CERS3: variants seen among roughly 807,000 people sequenced by gnomAD.
CERS3 encodes LAG1 homolog, ceramide synthase 3.
In CERS3, 33 loss-of-function variants were observed where a neutral mutation model predicts 50.3. The observed-to-expected ratio is 0.66, with a 90% CI of 0.50 to 0.88. CERS3 has a LOEUF of 0.88. Among genes scored for constraint, CERS3 ranks in the 40% least tolerant of loss-of-function variants. The pLI is 0.00. For synonymous variants in CERS3, 176 were observed against 155.2 expected (o/e 1.13, Z -0.99); for missense variants, 470 against 460.3 (o/e 1.02, Z -0.19).
chr15:100,435,678 G>C lies in CERS3; in HGVS notation c.999+20215C>G, dbSNP rs190723137. Reference sequence around the variant, plus strand: ...CAGCAAAAGAAACTAGCATCAGAGTGAACAGGCCACCTATAGAATGGGAGA... The same window carrying C: ...CAGCAAAAGAAACTAGCATCAGAGTCAACAGGCCACCTATAGAATGGGAGA... On this transcript the variant is annotated intron_variant, in intron 11 of 11. Coordinates refer to ENST00000679737, the MANE Select transcript of CERS3 (RefSeq NM_001378789.1). Among the ~76,000 whole-genome samples the C allele has an allele frequency of 1.8e-4, 28 of 152,310 alleles. No individual in the cohort carries two copies. The East Asian group carries it at 5.4e-3, about 29-fold the overall frequency.
upstream of CERS3, among the ~76,000 whole-genome samples, chr15:100,531,800 C>T (rs571447121): frequency 8.5e-5 from 13 of 152,214 alleles, no homozygotes; most frequent in African/African-American, 2.4e-4. Flanking sequence ...TTTTATATTG[C>T]GAATCCTCAT....
At chr15:100,491,107 C>CA (rs895720179) in intron 3 of CERS3, among the ~76,000 whole-genome samples, 176 bp from the exon 4 acceptor site, 3 of 150,472 alleles carry the variant, frequency 2.0e-5, no homozygotes, top group African/African-American at 4.9e-5. Flanking sequence ...TCAGTCCATA[C>CA]AAAAAAGCAA....
At chr15:100,494,506 C>T (rs1252433227) in intron 3 of CERS3, among the ~76,000 whole-genome samples, 2 of 151,872 alleles carry the variant, frequency 1.3e-5, no homozygotes, top group African/African-American at 4.8e-5. Flanking sequence ...CTTGGCCTCC[C>T]AAAGTGCTGG....
chr15:100,503,685 C>G, intron 2 of CERS3: 1 of 470,718 alleles, frequency 2.1e-6, no homozygotes, highest in Non-Finnish European at 4.4e-6. Context: ...GCCCCCTCCC[C>G]ACTTTGCTTC....
intron 11 of CERS3, among the ~76,000 whole-genome samples, chr15:100,453,362 AT>A (rs1196722464): frequency 2.6e-5 from 4 of 152,242 alleles, no homozygotes; most frequent in Admixed American, 6.5e-5. Context: ...AAATAAAAAA[AT>A]GTGATACATT....
At chr15:100,454,022 G>A (rs929892489) in intron 11 of CERS3, among the ~76,000 whole-genome samples, 2 of 152,152 alleles carry the variant, frequency 1.3e-5, no homozygotes, top group African/African-American at 4.8e-5. Flanking sequence ...CATGCTCATG[G>A]ATTAGAAAAG....
intron 2 of CERS3, among the ~76,000 whole-genome samples, chr15:100,509,148 T>C (rs1021983655): frequency 6.6e-6 from 1 of 152,168 alleles, no homozygotes; most frequent in African/African-American, 2.4e-5. Context: ...CGGTCATTCT[T>C]TTCTAACCTC....
chr15:100,406,865 G>A (rs2031075330), intron 11 of CERS3, among the ~76,000 whole-genome samples: 1 of 152,180 alleles, frequency 6.6e-6, no homozygotes, highest in Non-Finnish European at 1.5e-5. Flanking sequence ...TTCCACACTG[G>A]CTGGGAGGCC....
At chr15:100,453,197 C>G (rs2034236137) in intron 11 of CERS3, among the ~76,000 whole-genome samples, 1 of 151,782 alleles carries the variant, frequency 6.6e-6, no homozygotes, top group East Asian at 1.9e-4. Flanking sequence ...GACCCAACAA[C>G]AAAAAAATAC....
intron 11 of CERS3, among the ~76,000 whole-genome samples, chr15:100,413,064 C>G (rs1168553495): frequency 6.6e-6 from 1 of 152,042 alleles, no homozygotes; most frequent in Non-Finnish European, 1.5e-5. Context: ...AAAAATGTGC[C>G]AGACTGTGTG....
At chr15:100,483,842 G>A (rs114192674) in intron 5 of CERS3, among the ~76,000 whole-genome samples, 2,988 of 140,806 alleles carry the variant, frequency 0.021, 128 homozygotes, top group African/African-American at 0.076. Context: ...GTGCAGTGGC[G>A]GGATCTCGGC....
intron 11 of CERS3, among the ~76,000 whole-genome samples, chr15:100,417,564 T>A (rs1255289851): frequency 6.6e-6 from 1 of 151,924 alleles, no homozygotes; most frequent in Non-Finnish European, 1.5e-5. Context: ...AAGCTCGAAC[T>A]GGGTGGAGCC....
intron 11 of CERS3, among the ~76,000 whole-genome samples, chr15:100,405,611 C>T (rs888245345): frequency 6.6e-6 from 1 of 152,150 alleles, no homozygotes; most frequent in Admixed American, 6.5e-5. Context: ...TTGTACAACA[C>T]ATGAATATCA....
intron 8 of CERS3, among the ~76,000 whole-genome samples, chr15:100,473,974 A>T (rs923923730): frequency 6.6e-6 from 1 of 152,276 alleles, no homozygotes. Context: ...GTACTGATAC[A>T]TGCCATAACA....
chr15:100,489,508 A>G (rs998975152), intron 4 of CERS3, among the ~76,000 whole-genome samples: 3 of 152,234 alleles, frequency 2.0e-5, no homozygotes, highest in African/African-American at 7.2e-5. Context: ...TCTTAGCAAT[A>G]GCAAGGATAG....
chr15:100,420,682 A>C (rs985921318), intron 11 of CERS3, among the ~76,000 whole-genome samples: 10 of 151,508 alleles, frequency 6.6e-5, no homozygotes, highest in Admixed American at 3.9e-4. Flanking sequence ...AAAAATCCTC[A>C]ATAAAATACT....
At chr15:100,516,768 C>A (rs1036432313) in intron 2 of CERS3, among the ~76,000 whole-genome samples, 5 of 152,188 alleles carry the variant, frequency 3.3e-5, no homozygotes, top group African/African-American at 1.2e-4. Flanking sequence ...TGGGTACCAA[C>A]TGTGCTAAGT....
chr15:100,405,243 A>AC (rs1395268472), intron 11 of CERS3, among the ~76,000 whole-genome samples: 5 of 13,682 alleles, frequency 3.7e-4, no homozygotes, highest in South Asian at 0.017. Context: ...TAAAAAAAAA[A>AC]AAAAACAAAA....
At chr15:100,417,604 C>T (rs2032044863) in intron 11 of CERS3, among the ~76,000 whole-genome samples, 1 of 152,000 alleles carries the variant, frequency 6.6e-6, no homozygotes, top group Non-Finnish European at 1.5e-5. Context: ...CTGCCTGCCT[C>T]TGTAGGCTCC....
Sources: allele counts gnomAD v4.1 joint callset (sites outside exome capture counted in the v4.1 genomes callset), GRCh38; gene constraint gnomAD v4.1.1; transcripts MANE v1.5; gene names NCBI Gene and HGNC (gene_info 2026-07-23, HGNC 2026-07-21).